The following BRSK1 variants were observed in gnomAD, a reference collection of about 807,000 sequenced individuals.
BRSK1 encodes BR serine/threonine kinase 1.
In BRSK1, 17 loss-of-function variants were observed where a neutral mutation model predicts 86.2. The ratio of observed to expected loss-of-function variants is 0.20; its 90% CI spans 0.14 to 0.30. The LOEUF is 0.30. BRSK1 is among the 10% of genes least tolerant of loss of function. BRSK1 has a pLI of 1.00. For missense variants in BRSK1, 719 were observed against 1,071.9 expected, an observed-to-expected ratio of 0.67 and a Z score of 4.60; for synonymous variants, 464 against 440.1, an observed-to-expected ratio of 1.05 and a Z score of -0.68.
chr19:55,298,558 A>G (rs73053173), intron 7 of BRSK1, among the ~76,000 whole-genome samples: 6,066 of 152,128 alleles, frequency 0.04, 140 homozygotes, highest in Middle Eastern at 0.078. Context: ...TGTATCTGTA[A>G]CCCAAAATAG....
chr19:55,299,369 T>G (rs2088536584), intron 7 of BRSK1, among the ~76,000 whole-genome samples: 1 of 134,242 alleles, frequency 7.4e-6, no homozygotes, highest in South Asian at 2.4e-4. Flanking sequence ...TAATTTGTTT[T>G]GGTTTTTTTT....
Position 55,304,744 on chromosome 19 carries a change from G to T in BRSK1, c.1541G>T (p.Gly514Val). The change falls in exon 14 of 19, where the codon GGG (glycine) becomes GTG (valine). Residue 514 changes from glycine (G) to valine (V), a missense_variant. Gly to Val is a moderately radical substitution (Grantham distance 109). Coordinates refer to ENST00000309383, the MANE Select transcript of BRSK1 (RefSeq NM_032430.2). The surrounding 1 kb of genome is among the most constrained non-coding windows in gnomAD (Gnocchi z 5.2). The stretch of plus-strand genomic sequence containing the variant: ...CCAGGCTCCCCGCGCTCCTCTGGCG[G>T]GACCCCCTTGCACTCGCCTCTGCAC... ...GPPGSPRSSG[G>V]TPLHSPLHTP... 6.5e-7 allele frequency: 1 copy of T among 1,533,226 alleles called. No individual in the cohort carries two copies. The allele number at this position is 1,533,226 out of a possible 1,614,324, so 95.0% of individuals were successfully genotyped here. A position where few individuals can be genotyped will look rare whatever the true frequency, so the allele number is the denominator to read the frequency against.
chr19:55,299,200 A>G (rs1030451232), intron 7 of BRSK1, among the ~76,000 whole-genome samples: 3 of 152,146 alleles, frequency 2.0e-5, no homozygotes, highest in Non-Finnish European at 4.4e-5. Flanking sequence ...AAACAAGGTC[A>G]TGTAATGACT....
chr19:55,287,607 C>T lies in BRSK1; in HGVS notation c.317+308C>T, dbSNP rs182529754. Among the ~76,000 whole-genome samples, 2 of 152,372 alleles carry T rather than the reference C, an allele frequency of 1.3e-5. No homozygotes were observed. The highest frequency in any genetic ancestry group is 6.5e-5 in the Admixed American group (1 of 15,312). On this transcript the variant is annotated intron_variant, in intron 3 of 18. Transcript: ENST00000309383. The surrounding 1 kb of genome is among the most constrained non-coding windows in gnomAD (Gnocchi z 5.3). ...GCTAGACAAGCAGGGTGCCCTCGAC[C>T]AGACCCAATCTGCTATGGGCAGATG...
rs899885867 is a variant in BRSK1, at chr19:55,302,759, G to A, written c.920G>A (p.Arg307Gln). Reference sequence around the variant, plus strand: ...GCCCCTGGCCGCCGGGTAGCCATGCGGAGCCTGCCATCCAACGGAGAGCTG... The same window carrying A: ...GCCCCTGGCCGCCGGGTAGCCATGCAGAGCCTGCCATCCAACGGAGAGCTG... ...EPAPGRRVAM[R>Q]SLPSNGELDP... Residue 307 changes from arginine to glutamine, a missense_variant, in exon 10 of 19, where the codon CGG (arginine) becomes CAG (glutamine). This residue lies in a region of BRSK1 where 168 missense variants were observed against 246.3 expected (regional missense o/e 0.68). Transcript: ENST00000309383. This position sits in a 1 kb window ranked among gnomAD's most constrained non-coding sequence, Gnocchi z 6.3. The A allele has an allele frequency of 1.1e-5, 17 of 1,613,556 alleles. No individual in the cohort carries two copies. The highest frequency in any genetic ancestry group is 1.4e-5 in the Non-Finnish European group (17 of 1,179,914).
Position 55,306,796 on chromosome 19 carries a change from C to T in BRSK1, c.2089+346C>T, listed in dbSNP as rs898940415. ...TGGCCAGAGTCACACAATACACTGT[C>T]GCAGAGCTGCAGCCCAACCCAGGCC... On this transcript the variant is annotated intron_variant, in intron 17 of 18. Coordinates refer to ENST00000309383, the MANE Select transcript of BRSK1 (RefSeq NM_032430.2). The surrounding 1 kb of genome is among the most constrained non-coding windows in gnomAD (Gnocchi z 4.7). 6.6e-6 allele frequency among the ~76,000 whole-genome samples: 1 copy of T among 152,142 alleles called. No homozygotes were observed. The highest frequency in any genetic ancestry group is 1.5e-5 in the Non-Finnish European group (1 of 68,036).
rs2088658665 is a variant in BRSK1, at chr19:55,306,931, C to T, written c.2089+481C>T. 6.6e-6 allele frequency among the ~76,000 whole-genome samples: 1 copy of T among 152,214 alleles called. No homozygotes were observed. Among genetic ancestry groups the T allele is most frequent in the South Asian group, 2.1e-4 (1 of 4,836 alleles). On this transcript the variant is annotated intron_variant, in intron 17 of 18. Transcript: ENST00000309383. This position sits in a 1 kb window ranked among gnomAD's most constrained non-coding sequence, Gnocchi z 4.7. ...CTAATATCAGTCTGCCCAGAGCAGA[C>T]ATTACCAATTGATGGCAGTGCTTAT... is the stretch of plus-strand genomic sequence containing the variant.
At position 55,302,739 on chromosome 19, in the gene BRSK1, T is replaced by C; in HGVS notation, c.900T>C (p.Pro300=). Residue 300 remains proline, a synonymous_variant, in exon 10 of 19, where the codon CCT becomes CCC. Coordinates refer to ENST00000309383, the MANE Select transcript of BRSK1 (RefSeq NM_032430.2). This position sits in a 1 kb window ranked among gnomAD's most constrained non-coding sequence, Gnocchi z 6.3. ...HEPDPCLEPA[P]GRRVAMRSLP... The stretch of plus-strand genomic sequence containing the variant: ...CAGACCCGTGCCTGGAGCCAGCCCC[T>C]GGCCGCCGGGTAGCCATGCGGAGCC... 6.2e-7 allele frequency: 1 copy of C among 1,612,782 alleles called. No homozygotes were observed. The highest frequency in any genetic ancestry group is 8.5e-7 in the Non-Finnish European group (1 of 1,179,294).
intron 7 of BRSK1, among the ~76,000 whole-genome samples, chr19:55,298,380 C>A (rs972572474): frequency 6.6e-6 from 1 of 151,886 alleles, no homozygotes; most frequent in Non-Finnish European, 1.5e-5. Context: ...CCATGTTGGC[C>A]AGGCTGGTCT....
intron 18 of BRSK1, among the ~76,000 whole-genome samples, chr19:55,309,128 T>A (rs2088724482): frequency 6.6e-6 from 1 of 151,978 alleles, no homozygotes; most frequent in Admixed American, 6.5e-5. Flanking sequence ...ACCGTCCTGG[T>A]TTGCTTGGGA....
chr19:55,303,594 TGCAGTTTCTGAG>T lies in BRSK1; in HGVS notation c.1127-66_1127-55del. On this transcript the variant is annotated intron_variant, in intron 11 of 18. Transcript: ENST00000309383. This position sits in a 1 kb window ranked among gnomAD's most constrained non-coding sequence, Gnocchi z 5.1. ...CACTCTAGGCCTGTTTCCCCATGTGTGCAGTTTCTGAGGCAGTTGTACACAGCTGGGTGAAAC... is the reference window on the plus strand; with the variant it reads ...CACTCTAGGCCTGTTTCCCCATGTGTGCAGTTGTACACAGCTGGGTGAAAC... 6.5e-7 allele frequency: 1 copy of T among 1,543,086 alleles called. No individual in the cohort carries two copies.
At chr19:55,299,715 C>A (rs1490848122) in intron 7 of BRSK1, among the ~76,000 whole-genome samples, 1 of 152,066 alleles carries the variant, frequency 6.6e-6, no homozygotes, top group African/African-American at 2.4e-5. Context: ...CCAGACCGTA[C>A]CCTTCCTGGC....
chr19:55,295,468 A>C (rs2088472960), intron 7 of BRSK1, among the ~76,000 whole-genome samples: 1 of 152,168 alleles, frequency 6.6e-6, no homozygotes, highest in South Asian at 2.1e-4. Context: ...TACTACATTA[A>C]CCAACAGACC....
At position 55,287,129 on chromosome 19, in the gene BRSK1, C is replaced by T. The variant is rs780759652; in HGVS notation, c.231+28C>T. ...GTGTGCGCCTGCTGCAGTGTGCCTG[C>T]GGGTGGGGGGGCCTCCGGGGCTGAG... On this transcript the variant is annotated intron_variant, in intron 2 of 18. Coordinates refer to ENST00000309383, the MANE Select transcript of BRSK1 (RefSeq NM_032430.2). This position sits in a 1 kb window ranked among gnomAD's most constrained non-coding sequence, Gnocchi z 5.3. The T allele has an allele frequency of 7.9e-5, 59 of 750,706 alleles. No individual in the cohort carries two copies. The highest frequency in any genetic ancestry group is 1.1e-4 in the African/African-American group (6 of 52,794). 46.5% of individuals were successfully genotyped at this position (750,706 alleles called of 1,614,324 possible). A position where few individuals can be genotyped will look rare whatever the true frequency, so the allele number is the denominator to read the frequency against.
At chr19:55,307,230 C>T (rs1482537041) in intron 17 of BRSK1, among the ~76,000 whole-genome samples, 1 of 152,138 alleles carries the variant, frequency 6.6e-6, no homozygotes, top group African/African-American at 2.4e-5. Flanking sequence ...GTCACCAAAA[C>T]CAATTATGAC....
rs1250910179 is a variant in BRSK1 at position 55,302,361 on chromosome 19, A to G, written c.857+193A>G. ...TAGGGGTCAGAGGCAGGAGGGGCTAAGCTAGGAGTCCAGGACTCCCAGGTT... is the reference window on the plus strand; with the variant it reads ...TAGGGGTCAGAGGCAGGAGGGGCTAGGCTAGGAGTCCAGGACTCCCAGGTT... On this transcript the variant is annotated intron_variant, in intron 9 of 18. Transcript: ENST00000309383. The surrounding 1 kb of genome is among the most constrained non-coding windows in gnomAD (Gnocchi z 6.3). 1.5e-6 allele frequency: 1 copy of G among 682,828 alleles called. No homozygotes were observed. The allele number at this position is 682,828 out of a possible 1,614,324, so 42.3% of individuals were successfully genotyped here. A position where few individuals can be genotyped will look rare whatever the true frequency, so the allele number is the denominator to read the frequency against.
chr19:55,291,791 C>T (rs1032580936), intron 4 of BRSK1, among the ~76,000 whole-genome samples: 1 of 152,192 alleles, frequency 6.6e-6, no homozygotes, highest in African/African-American at 2.4e-5. Flanking sequence ...GACGGAGTCT[C>T]GCTGTCACCC....
chr19:55,306,100 G>T lies in BRSK1; in HGVS notation c.1891-152G>T. 1.4e-6 allele frequency: 1 copy of T among 711,806 alleles called. No homozygotes were observed. Among genetic ancestry groups the T allele is most frequent in the Non-Finnish European group, 2.3e-6 (1 of 429,542 alleles). 44.1% of individuals were successfully genotyped at this position (711,806 alleles called of 1,614,324 possible). A position where few individuals can be genotyped will look rare whatever the true frequency, so the allele number is the denominator to read the frequency against. On this transcript the variant is annotated intron_variant, in intron 16 of 18. Transcript: ENST00000309383. The surrounding 1 kb of genome is among the most constrained non-coding windows in gnomAD (Gnocchi z 4.7). ...GCTGATAGGATAGAGAAAGCTACAA[G>T]TCCTTGCAGGCAGTGGGGCCTCCCA...
intron 7 of BRSK1, among the ~76,000 whole-genome samples, chr19:55,297,817 T>A (rs1443618539): frequency 6.6e-6 from 1 of 152,232 alleles, no homozygotes; most frequent in Non-Finnish European, 1.5e-5. Flanking sequence ...TTTTATCTAT[T>A]TATTTTTTCA....
Sources: gnomAD v4.1 joint callset for allele counts (sites outside exome capture counted in the v4.1 genomes callset) on GRCh38, gnomAD v4.1.1 for gene constraint, gnomAD v4.1.1 regional missense constraint, Gnocchi (gnomAD v3.1) non-coding constraint, MANE v1.5 for transcripts, NCBI Gene and HGNC (gene_info 2026-07-23, HGNC 2026-07-21) for gene names.